KDR: variants seen among roughly 807,000 people sequenced by gnomAD.
KDR encodes the protein vascular endothelial growth factor receptor 2.
KDR carries 43 observed loss-of-function variants against 160.9 expected under a neutral mutation model. That is an observed-to-expected ratio of 0.27 (90% CI 0.21 to 0.34). The LOEUF is 0.34. Ranked by LOEUF, KDR falls within the 10% of genes least tolerant of loss-of-function variation. KDR has a pLI of 1.00. For synonymous variants in KDR, 617 were observed against 600.1 expected (o/e 1.03, Z -0.41); for missense variants, 1,469 against 1,666.4 (o/e 0.88, Z 2.06).
intron 9 of KDR, among the ~76,000 whole-genome samples, chr4:55,109,692 G>A (rs535574028): frequency 4.6e-5 from 7 of 152,180 alleles, no homozygotes; most frequent in East Asian, 3.9e-4. Context: ...AAGGTTCTGC[G>A]AAGTCCTGCA....
chr4:55,082,107 G>T, intron 28 of KDR, 66 bp from the exon 29 acceptor site: 1 of 1,120,862 alleles, frequency 8.9e-7, no homozygotes, highest in Non-Finnish European at 1.4e-6. Flanking sequence ...ATTTAATTAA[G>T]CTGATTTCTC....
At position 55,104,770 on chromosome 4, in the gene KDR, G is replaced by A. The variant is rs756106012; in HGVS notation, c.1860C>T (p.Ser620=). The change falls in exon 13 of 30, where the codon AGC becomes AGT. Residue 620 remains serine, a synonymous_variant. Transcript: ENST00000263923. ...WKLNATMFSN[S]TNDILIMELK... Reference sequence around the variant, plus strand: ...GCTCCATGATCAAAATGTCATTTGTGCTATTAGAGAACATGGTGGCATTCA... The same window carrying A: ...GCTCCATGATCAAAATGTCATTTGTACTATTAGAGAACATGGTGGCATTCA... 6.2e-7 allele frequency: 1 copy of A among 1,613,924 alleles called. No homozygotes were observed. Among genetic ancestry groups the A allele is most frequent in the South Asian group, 1.1e-5 (1 of 91,072 alleles).
chr4:55,111,176 C>G (rs1214635943), intron 7 of KDR, among the ~76,000 whole-genome samples: 3 of 152,168 alleles, frequency 2.0e-5, no homozygotes, highest in African/African-American at 7.2e-5. Context: ...TTATTTACAC[C>G]TTCCTCTAGC....
rs1720786599 is a variant in KDR at position 55,118,477 on chromosome 4, T to C, written c.358+127A>G. On this transcript the variant is annotated intron_variant, in intron 3 of 29. Coordinates refer to ENST00000263923, the MANE Select transcript of KDR (RefSeq NM_002253.4). ...AGAGAAAGCCTCAGGAGAGAAGAAT[T>C]GTGTGTATTCCTCTTGGCAAACAGC... 5.3e-6 allele frequency: 4 copies of C among 748,156 alleles called. No individual in the cohort carries two copies. The Admixed American group carries it at 6.0e-5, about 11-fold the overall frequency. The allele number at this position is 748,156 out of a possible 1,614,324, so 46.3% of individuals were successfully genotyped here. A position where few individuals can be genotyped will look rare whatever the true frequency, so the allele number is the denominator to read the frequency against.
intron 7 of KDR, among the ~76,000 whole-genome samples, chr4:55,111,989 A>G (rs1029183450): frequency 6.6e-6 from 1 of 152,220 alleles, no homozygotes; most frequent in Non-Finnish European, 1.5e-5. Flanking sequence ...GTATTGATGC[A>G]TTCTCATAAT....
intron 9 of KDR, among the ~76,000 whole-genome samples, chr4:55,108,150 C>T (rs1720489443): frequency 6.8e-6 from 1 of 147,302 alleles, no homozygotes; most frequent in Admixed American, 6.9e-5. Context: ...CGCTTAAGCC[C>T]AGGAGATCAA....
intron 15 of KDR, among the ~76,000 whole-genome samples, chr4:55,101,385 A>C (rs1050808919): frequency 6.6e-6 from 1 of 152,240 alleles, no homozygotes; most frequent in Non-Finnish European, 1.5e-5. Context: ...TACAAAGTAC[A>C]AAGAATATTA....
chr4:55,118,898 T>C, intron 2 of KDR, 98 bp from the exon 3 acceptor site: 2 of 943,378 alleles, frequency 2.1e-6, no homozygotes, highest in Non-Finnish European at 3.3e-6. Context: ...TTAAATAAAC[T>C]CTTCAACAGA....
intron 27 of KDR, among the ~76,000 whole-genome samples, chr4:55,084,970 G>A (rs73136578): frequency 0.021 from 3,145 of 152,292 alleles, 97 homozygotes; most frequent in African/African-American, 0.071. Flanking sequence ...CTAGCAGGCT[G>A]CCCCAAGCAT....
At chr4:55,109,961 G>C (rs1047360452) in intron 9 of KDR, among the ~76,000 whole-genome samples, 1 of 152,184 alleles carries the variant, frequency 6.6e-6, no homozygotes, top group African/African-American at 2.4e-5. Context: ...AGCCTTCAGA[G>C]TTGGAACGTG....
chr4:55,105,185 G>T (rs555457854), intron 12 of KDR, among the ~76,000 whole-genome samples: 2 of 152,280 alleles, frequency 1.3e-5, no homozygotes, highest in East Asian at 3.9e-4. Context: ...ACTTGAAAAT[G>T]TAAACGAATT....
intron 9 of KDR, 115 bp from the exon 10 acceptor site, chr4:55,108,008 C>A: frequency 4.3e-6 from 5 of 1,172,508 alleles, no homozygotes; most frequent in Non-Finnish European, 5.0e-6. Flanking sequence ...CTTCCACTTT[C>A]TTTTTCGAAG....
Position 55,106,715 on chromosome 4 carries a change from T to A in KDR, c.1508A>T (p.Gln503Leu), listed in dbSNP as rs1720453195. The A allele has an allele frequency of 6.3e-7, 1 of 1,582,386 alleles. No individual in the cohort carries two copies. The highest frequency in any genetic ancestry group is 8.7e-7 in the Non-Finnish European group (1 of 1,151,256). The change falls in exon 11 of 30, where the codon CAA (glutamine) becomes CTA (leucine). Residue 503 changes from glutamine to leucine, a missense_variant. Physicochemically the swap from Gln to Leu is moderately radical, Grantham distance 113. Coordinates refer to ENST00000263923, the MANE Select transcript of KDR (RefSeq NM_002253.4). ...GTTTTTTCCTTCAATTAGAGCAAAT[T>A]GATTTTTATTAACTTCAATTTTATT... Reference protein sequence around the residue: ...GGNKIEVNKNQFALIEGKNKT... With the variant: ...GGNKIEVNKNLFALIEGKNKT...
At chr4:55,114,796 T>C in intron 5 of KDR, 78 bp downstream of exon 5, 1 of 1,284,714 alleles carries the variant, frequency 7.8e-7, no homozygotes, top group Non-Finnish European at 1.1e-6. Context: ...AATATCCTTC[T>C]TCACTCTATG....
chr4:55,115,970 C>A (rs1250461542), intron 3 of KDR, among the ~76,000 whole-genome samples: 1 of 152,188 alleles, frequency 6.6e-6, no homozygotes, highest in Non-Finnish European at 1.5e-5. Context: ...GAGGACCATT[C>A]ATGTGAGCAT....
At chr4:55,119,179 A>C (rs1417424137) in intron 2 of KDR, among the ~76,000 whole-genome samples, 1 of 151,488 alleles carries the variant, frequency 6.6e-6, no homozygotes, top group Non-Finnish European at 1.5e-5. Context: ...ACTGCACTTC[A>C]GCCTGGGCAA....
intron 26 of KDR, 135 bp downstream of exon 26, chr4:55,088,733 C>T: frequency 1.4e-6 from 1 of 713,028 alleles, no homozygotes; most frequent in African/African-American, 1.7e-5. Context: ...CATTATTACT[C>T]AGATGTAGAA....
At chr4:55,108,004 C>G in intron 9 of KDR, 111 bp from the exon 10 acceptor site, 1 of 1,233,192 alleles carries the variant, frequency 8.1e-7, no homozygotes, top group Non-Finnish European at 1.2e-6. Flanking sequence ...TTTGCTTCCA[C>G]TTTCTTTTTC....
At chr4:55,113,985 G>C in intron 6 of KDR, 141 bp downstream of exon 6, 1 of 820,332 alleles carries the variant, frequency 1.2e-6, no homozygotes, top group Non-Finnish European at 2.1e-6. Flanking sequence ...GTGTGTATGT[G>C]TGTGTGAGTG....
Sources: gnomAD v4.1 joint callset for allele counts (sites outside exome capture counted in the v4.1 genomes callset) on GRCh38, gnomAD v4.1.1 for gene constraint, MANE v1.5 for transcripts, NCBI Gene and HGNC (gene_info 2026-07-23, HGNC 2026-07-21) for gene names.